The following SHANK2 variants were observed in gnomAD, a reference collection of about 807,000 sequenced individuals.
SHANK2 encodes SH3 and multiple ankyrin repeat domains 2.
A neutral mutation model predicts 133.7 loss-of-function variants in SHANK2; 43 were observed. The observed-to-expected ratio is 0.32, with a 90% confidence interval of 0.25 to 0.41. SHANK2 has a LOEUF of 0.41. SHANK2 is among the 10% of genes least tolerant of loss of function. The pLI, the probability that SHANK2 is intolerant of heterozygous loss-of-function variation, is 1.00. For missense variants in SHANK2, 1,994 were observed against 2,235.8 expected (o/e 0.89, Z 2.18); for synonymous variants, 1,017 against 952.8 (o/e 1.07, Z -1.24).
At chr11:70,746,393 G>C (rs1946638440) in intron 14 of SHANK2, among the ~76,000 whole-genome samples, 1 of 149,952 alleles carries the variant, frequency 6.7e-6, no homozygotes, top group Non-Finnish European at 1.5e-5. Flanking sequence ...TCCCTTCAGG[G>C]TGGGGGATGC....
At chr11:71,167,609 G>C (rs1304295171) in intron 2 of SHANK2, among the ~76,000 whole-genome samples, 1 of 146,238 alleles carries the variant, frequency 6.8e-6, no homozygotes, top group Non-Finnish European at 1.5e-5. Flanking sequence ...CTTCCCAGTA[G>C]GGGCGGCCGG....
At chr11:70,560,690 G>A (rs2059899065) in intron 17 of SHANK2, among the ~76,000 whole-genome samples, 1 of 151,558 alleles carries the variant, frequency 6.6e-6, no homozygotes, top group African/African-American at 2.4e-5. Context: ...GGAGCGCAGT[G>A]GCACGATCTC....
At chr11:70,565,976 A>C (rs2059963762) in intron 17 of SHANK2, among the ~76,000 whole-genome samples, 1 of 152,196 alleles carries the variant, frequency 6.6e-6, no homozygotes, top group Non-Finnish European at 1.5e-5. Context: ...TGTAGAAAAA[A>C]AGGTTTAATG....
intron 2 of SHANK2, among the ~76,000 whole-genome samples, chr11:71,206,777 A>C (rs7483026): frequency 0.27 from 41,701 of 151,864 alleles, 6,975 homozygotes; most frequent in East Asian, 0.48. Context: ...ACTACAAAAA[A>C]TAAAAGTAAA....
At chr11:70,916,541 A>C (rs1027534594) in intron 10 of SHANK2, among the ~76,000 whole-genome samples, 2 of 152,154 alleles carry the variant, frequency 1.3e-5, no homozygotes, top group African/African-American at 4.8e-5. Flanking sequence ...ACCCTTTCAC[A>C]CAGTAGCACA....
rs113913720 is a variant in SHANK2 at position 71,220,055 on chromosome 11, C to T, written c.-13+4642G>A. ...CCTGGACAACATAGTGAGACCCCCC[C>T]ACCCATCTCTACAAAAAAATTTAAA... On this transcript the variant is annotated intron_variant, in intron 2 of 25. Coordinates refer to ENST00000601538, the MANE Select transcript of SHANK2 (RefSeq NM_012309.5). Among the ~76,000 whole-genome samples, 94 of 151,980 alleles carry T rather than the reference C, an allele frequency of 6.2e-4. 1 individual carries two copies. Among genetic ancestry groups the T allele is most frequent in the Admixed American group, 7.2e-4 (11 of 15,254 alleles).
chr11:70,758,782 T>C (rs1288919763), intron 14 of SHANK2, among the ~76,000 whole-genome samples: 1 of 152,186 alleles, frequency 6.6e-6, no homozygotes, highest in East Asian at 1.9e-4. Context: ...CTCCAACTTC[T>C]GCCTCCATCT....
chr11:70,632,075 A>G (rs1031082011), intron 17 of SHANK2: 2 of 152,216 alleles, frequency 1.3e-5, no homozygotes, highest in African/African-American at 4.8e-5. Flanking sequence ...GACGCTAAAC[A>G]TTAGAATGCG....
chr11:71,239,311 T>C (rs1240444919), intron 1 of SHANK2, among the ~76,000 whole-genome samples: 1 of 152,188 alleles, frequency 6.6e-6, no homozygotes, highest in Non-Finnish European at 1.5e-5. Flanking sequence ...CATGAGACCA[T>C]ATGCACAAAG....
rs1397995145 is a variant in SHANK2, at chr11:70,863,272, GTC to G, written c.1174+33227_1174+33228del. ...TGACACCTCTCCCCATGACATGGCT[GTC>G]TCTGTTTCAGCTGATCTAAGCACCA... On this transcript the variant is annotated intron_variant, in intron 11 of 25. Coordinates refer to ENST00000601538, the MANE Select transcript of SHANK2 (RefSeq NM_012309.5). The G allele has an allele frequency of 1.8e-5, 8 of 454,220 alleles. No homozygotes were observed. In the Admixed American group the frequency reaches 1.9e-4, roughly 11 times the overall value. The allele number at this position is 454,220 out of a possible 1,614,324, so 28.1% of individuals were successfully genotyped here. A position where few individuals can be genotyped will look rare whatever the true frequency, so the allele number is the denominator to read the frequency against.
At chr11:70,835,976 C>T (rs1427468406) in intron 11 of SHANK2, among the ~76,000 whole-genome samples, 1 of 152,170 alleles carries the variant, frequency 6.6e-6, no homozygotes, top group Non-Finnish European at 1.5e-5. Flanking sequence ...GGCAGCAGCT[C>T]TCCCTGTCTC....
chr11:70,748,103 TCA>T (rs1313162910), intron 14 of SHANK2, among the ~76,000 whole-genome samples: 2 of 152,054 alleles, frequency 1.3e-5, no homozygotes, highest in Non-Finnish European at 2.9e-5. Context: ...TTGTCTGAGA[TCA>T]CACAGCAGAG....
intron 11 of SHANK2, among the ~76,000 whole-genome samples, chr11:70,866,052 G>A (rs1309642813): frequency 1.3e-5 from 2 of 152,244 alleles, no homozygotes; most frequent in East Asian, 3.9e-4. Flanking sequence ...CAGGGTCCAT[G>A]GCCTGTCCAG....
At chr11:70,756,933 C>T (rs1242637360) in intron 14 of SHANK2, among the ~76,000 whole-genome samples, 1 of 152,194 alleles carries the variant, frequency 6.6e-6, no homozygotes. Flanking sequence ...AGGCTCCAAA[C>T]CTCCTGGGCC....
In SHANK2 at chr11:70,804,724, C is replaced by G. The variant is rs895620416; in HGVS notation, c.1663+2278G>C. On this transcript the variant is annotated intron_variant, in intron 13 of 25. Coordinates refer to ENST00000601538, the MANE Select transcript of SHANK2 (RefSeq NM_012309.5). The surrounding 1 kb of genome is among the most constrained non-coding windows in gnomAD (Gnocchi z 4.1). ...CAGGGAGTTGGACAGGGGAAGGCCCCCCCAGAGCTTCTGGGAATTAAGGTG... is the reference window on the plus strand; with the variant it reads ...CAGGGAGTTGGACAGGGGAAGGCCCGCCCAGAGCTTCTGGGAATTAAGGTG... Among the ~76,000 whole-genome samples, 2 of 152,174 alleles carry G rather than the reference C, an allele frequency of 1.3e-5. No individual in the cohort carries two copies. Among genetic ancestry groups the G allele is most frequent in the South Asian group, 4.1e-4 (2 of 4,830 alleles).
At chr11:70,927,435 T>C (rs894282634) in intron 10 of SHANK2, among the ~76,000 whole-genome samples, 7 of 152,244 alleles carry the variant, frequency 4.6e-5, no homozygotes. Context: ...GCTTGTTCTA[T>C]GTGACCAGCG....
chr11:70,808,667 C>T (rs1317690251), intron 12 of SHANK2, among the ~76,000 whole-genome samples: 3 of 151,178 alleles, frequency 2.0e-5, no homozygotes, highest in African/African-American at 7.3e-5. Flanking sequence ...GCCAGGAGGT[C>T]GCGGCTGCAG....
At chr11:70,761,522 C>G (rs1555040213) in intron 14 of SHANK2, among the ~76,000 whole-genome samples, 1 of 152,228 alleles carries the variant, frequency 6.6e-6, no homozygotes, top group Non-Finnish European at 1.5e-5. Context: ...TGAAGGGTGT[C>G]CAGTGAGTGA....
intron 1 of SHANK2, among the ~76,000 whole-genome samples, chr11:71,243,108 A>C (rs548769674): frequency 1.3e-5 from 2 of 152,364 alleles, no homozygotes; most frequent in South Asian, 4.1e-4. Flanking sequence ...TATGTTAAAA[A>C]GAAGAAAAAT....
Sources: allele counts gnomAD v4.1 joint callset (sites outside exome capture counted in the v4.1 genomes callset), GRCh38; gene constraint gnomAD v4.1.1; non-coding constraint Gnocchi (gnomAD v3.1); transcripts MANE v1.5; gene names NCBI Gene and HGNC (gene_info 2026-07-23, HGNC 2026-07-21).